OLFM1: variants seen among roughly 807,000 people sequenced by gnomAD.
OLFM1 encodes the protein noelin.
Under a neutral mutation model 49.7 loss-of-function variants are expected in OLFM1, and 9 were observed. The ratio of observed to expected loss-of-function variants is 0.18; its 90% CI spans 0.11 to 0.32. The LOEUF (loss-of-function observed/expected upper bound fraction) is 0.32, where lower values mean the gene tolerates loss of function less well. Ranked by LOEUF, OLFM1 falls within the 10% of genes least tolerant of loss-of-function variation. The pLI, the probability that OLFM1 is intolerant of heterozygous loss-of-function variation, is 1.00. For synonymous variants in OLFM1, 240 were observed against 271.8 expected (o/e 0.88, Z 1.15); for missense variants, 369 against 661.8 (o/e 0.56, Z 4.85).
At chr9:135,097,638 T>G in intron 3 of OLFM1, 1 of 769,334 alleles carries the variant, frequency 1.3e-6, no homozygotes, top group Admixed American at 1.9e-5. Context: ...CAATAACTCT[T>G]AAAGCAGTTT....
Position 135,113,175 on chromosome 9 carries a change from G to A in OLFM1, c.783+6320G>A, listed in dbSNP as rs374758401. Among the ~76,000 whole-genome samples the A allele has an allele frequency of 5.9e-5, 9 of 152,186 alleles. No individual in the cohort carries two copies. In the East Asian group the frequency reaches 1.7e-3, roughly 30 times the overall value. On this transcript the variant is annotated intron_variant, in intron 5 of 5. Coordinates refer to ENST00000371793, the MANE Select transcript of OLFM1 (RefSeq NM_001282611.2). This position sits in a 1 kb window ranked among gnomAD's most constrained non-coding sequence, Gnocchi z 4.0. ...CTCTCTGAAGTGGGGATTTGGGGAC[G>A]GGGTCCCTAAGCCTCTGTGACTCTG... is the stretch of plus-strand genomic sequence containing the variant.
chr9:135,088,201 G>A lies in OLFM1; in HGVS notation c.150+62G>A, dbSNP rs968939014. 60 of 1,226,646 alleles carry A rather than the reference G, an allele frequency of 4.9e-5. No homozygotes were observed. The African/African-American group carries it at 9.2e-4, about 19-fold the overall frequency. The allele number at this position is 1,226,646 out of a possible 1,614,324, so 76.0% of individuals were successfully genotyped here. A position where few individuals can be genotyped will look rare whatever the true frequency, so the allele number is the denominator to read the frequency against. The stretch of plus-strand genomic sequence containing the variant: ...CCTCCTCCTCCTCCTCCCCCTCCTC[G>A]GTCCGGAGCCCCGGGCTGGGCGGGC... On this transcript the variant is annotated intron_variant, in intron 1 of 5. Transcript: ENST00000371793. The surrounding 1 kb of genome is among the most constrained non-coding windows in gnomAD (Gnocchi z 4.8).
intron 1 of OLFM1, among the ~76,000 whole-genome samples, chr9:135,078,113 G>A (rs1830490961): frequency 6.6e-6 from 1 of 152,218 alleles, no homozygotes; most frequent in African/African-American, 2.4e-5. Context: ...TTACTTTCTT[G>A]ATTCCAAAGT....
chr9:135,094,650 T>C (rs543223938), intron 2 of OLFM1, among the ~76,000 whole-genome samples: 1 of 152,332 alleles, frequency 6.6e-6, no homozygotes, highest in Non-Finnish European at 1.5e-5. Flanking sequence ...TAACAAGATA[T>C]GAAATTCCTT....
chr9:135,090,639 CCT>C (rs1830672990), intron 2 of OLFM1, among the ~76,000 whole-genome samples: 1 of 152,036 alleles, frequency 6.6e-6, no homozygotes. Context: ...AGACCTGCCC[CCT>C]GTCACCACAG....
At chr9:135,114,368 G>T (rs895226683) in intron 5 of OLFM1, among the ~76,000 whole-genome samples, 1 of 151,918 alleles carries the variant, frequency 6.6e-6, no homozygotes, top group Non-Finnish European at 1.5e-5. Flanking sequence ...GCCCACCTTA[G>T]CCTCCCAAAA....
intron 1 of OLFM1, among the ~76,000 whole-genome samples, chr9:135,089,431 G>A (rs572117829): frequency 2.0e-5 from 3 of 152,330 alleles, no homozygotes; most frequent in African/African-American, 7.2e-5. Flanking sequence ...GGGCTGGGCT[G>A]CAAGGTTAGA....
At chr9:135,114,783 A>G (rs1831073779) in intron 5 of OLFM1, among the ~76,000 whole-genome samples, 1 of 152,086 alleles carries the variant, frequency 6.6e-6, no homozygotes, top group Admixed American at 6.5e-5. Flanking sequence ...CTGGACCGGC[A>G]TTCTAGAAGG....
At chr9:135,101,664 G>T (rs1830872319) in intron 4 of OLFM1, among the ~76,000 whole-genome samples, 1 of 152,228 alleles carries the variant, frequency 6.6e-6, no homozygotes, top group Non-Finnish European at 1.5e-5. Flanking sequence ...AGTCAGTGCT[G>T]CCCCGTGCCC....
At chr9:135,075,686 G>GGCCA in exon 1 of OLFM1, 1 of 1,560,972 alleles carries the variant, frequency 6.4e-7, no homozygotes, top group Non-Finnish European at 8.6e-7. Flanking sequence ...GCCGCCGGCC[G>GGCCA]GCCAGCACCC....
intron 5 of OLFM1, among the ~76,000 whole-genome samples, chr9:135,115,015 C>G (rs950855698): frequency 6.6e-6 from 1 of 152,190 alleles, no homozygotes; most frequent in African/African-American, 2.4e-5. Context: ...GCAGGAACAG[C>G]AAGCTTCTCC....
At chr9:135,118,985 C>A (rs1166603923) in intron 5 of OLFM1, among the ~76,000 whole-genome samples, 10 of 104,858 alleles carry the variant, frequency 9.5e-5, no homozygotes, top group African/African-American at 2.8e-4. Flanking sequence ...GGGTCTTTGG[C>A]ATGCTCGCCG....
At chr9:135,103,591 G>A (rs1180321817) in intron 4 of OLFM1, among the ~76,000 whole-genome samples, 1 of 152,260 alleles carries the variant, frequency 6.6e-6, no homozygotes, top group African/African-American at 2.4e-5. Context: ...CATGCAGGAG[G>A]GAAGAGGGAG....
rs551786702 is a variant in OLFM1 at position 135,079,411 on chromosome 9, C to A, written c.96+3609C>A. Among the ~76,000 whole-genome samples, 39 of 152,054 alleles carry A rather than the reference C, an allele frequency of 2.6e-4. No individual in the cohort carries two copies. In the South Asian group the frequency reaches 7.9e-3, roughly 31 times the overall value. The stretch of plus-strand genomic sequence containing the variant: ...TTGAGGTCAGGAGTTCAAAACCAGC[C>A]CGGCCAACATGAAGAAACCCCATTT... On this transcript the variant is annotated intron_variant, in intron 1 of 5. Coordinates refer to the OLFM1 transcript ENST00000252854.
chr9:135,106,698 G>T, intron 4 of OLFM1, 51 bp from the exon 5 acceptor site: 1 of 1,460,774 alleles, frequency 6.8e-7, no homozygotes, highest in Non-Finnish European at 9.5e-7. Context: ...GGTCATCACC[G>T]CGGGCCGGGG....
chr9:135,091,571 A>AGT (rs1830691127), intron 2 of OLFM1, among the ~76,000 whole-genome samples: 1 of 148,896 alleles, frequency 6.7e-6, no homozygotes, highest in Non-Finnish European at 1.5e-5. Flanking sequence ...TCACACACAC[A>AGT]CACAGTCACA....
intron 4 of OLFM1, among the ~76,000 whole-genome samples, chr9:135,100,084 G>T (rs548176515): frequency 5.9e-5 from 9 of 152,280 alleles, no homozygotes; most frequent in Middle Eastern, 6.8e-3. Context: ...GAATCCAGTG[G>T]TGGGGTCTTT....
chr9:135,076,399 G>A, intron 1 of OLFM1: 1 of 1,500,496 alleles, frequency 6.7e-7, no homozygotes, highest in Non-Finnish European at 8.9e-7. Context: ...GGAGGTGAGT[G>A]AGGAGCCCTG....
chr9:135,108,460 C>A (rs12337664), intron 5 of OLFM1, among the ~76,000 whole-genome samples: 9,753 of 151,922 alleles, frequency 0.064, 1,052 homozygotes, highest in African/African-American at 0.22. Context: ...AAGGTGAAAC[C>A]CCATCTCTCT....
Sources: gnomAD v4.1 joint callset for allele counts (sites outside exome capture counted in the v4.1 genomes callset) on GRCh38, gnomAD v4.1.1 for gene constraint, Gnocchi (gnomAD v3.1) non-coding constraint, MANE v1.5 for transcripts, NCBI Gene and HGNC (gene_info 2026-07-23, HGNC 2026-07-21) for gene names.